The following DNASE1 variants were observed in gnomAD, a reference collection of about 807,000 sequenced individuals.
DNASE1 encodes deoxyribonuclease 1.
In DNASE1, 40 loss-of-function variants were observed where a neutral mutation model predicts 33.9. The observed-to-expected ratio is 1.18, with a 90% CI of 0.92 to 1.54. The LOEUF (loss-of-function observed/expected upper bound fraction) is 1.54. Ranked by LOEUF, DNASE1 falls within the 40% of genes most tolerant of loss-of-function variation. The pLI is 0.00. For missense variants in DNASE1, 518 were observed against 372.6 expected, an observed-to-expected ratio of 1.39 and a Z score of -3.21; for synonymous variants, 216 against 160.0, an observed-to-expected ratio of 1.35 and a Z score of -2.64.
At chr16:3,632,081 C>G (rs1348689704) in intron 1 of DNASE1, among the ~76,000 whole-genome samples, 1 of 152,102 alleles carries the variant, frequency 6.6e-6, no homozygotes, top group Non-Finnish European at 1.5e-5. Context: ...AAAACATAAA[C>G]TCATAATTGT....
chr16:3,657,125 AG>A lies in DNASE1; in HGVS notation c.549+18del. ...TGGGGCTTGGAGGTGAGGCCCTCCC[AG>A]GGGCAGTGGGCACCAGCGGCCTCCG... is the stretch of plus-strand genomic sequence containing the variant. On this transcript the variant is annotated intron_variant, in intron 6 of 8. Coordinates refer to ENST00000246949, the MANE Select transcript of DNASE1 (RefSeq NM_005223.4). 1.9e-6 allele frequency: 3 copies of A among 1,614,064 alleles called. No individual in the cohort carries two copies. The highest frequency in any genetic ancestry group is 2.5e-6 in the Non-Finnish European group (3 of 1,180,008).
At chr16:3,623,314 ATC>A (rs1206277011) in intron 1 of DNASE1, among the ~76,000 whole-genome samples, 1 of 152,144 alleles carries the variant, frequency 6.6e-6, no homozygotes, top group Non-Finnish European at 1.5e-5. Flanking sequence ...CCGTACCTCT[ATC>A]TCTCACCGCA....
At chr16:3,629,734 A>T (rs2041636562) in intron 1 of DNASE1, among the ~76,000 whole-genome samples, 1 of 152,132 alleles carries the variant, frequency 6.6e-6, no homozygotes, top group African/African-American at 2.4e-5. Flanking sequence ...GAGATTTTTG[A>T]TTACTGATTA....
At chr16:3,663,540 A>C in exon 10 of DNASE1, 1 of 1,614,066 alleles carries the variant, frequency 6.2e-7, no homozygotes, top group African/African-American at 1.3e-5. Context: ...GAGCTCATCA[A>C]ACTGCTCAAA....
At chr16:3,622,059 A>G (rs1162369556) in intron 1 of DNASE1, among the ~76,000 whole-genome samples, 1 of 152,124 alleles carries the variant, frequency 6.6e-6, no homozygotes, top group Non-Finnish European at 1.5e-5. Context: ...CGTCTTTACT[A>G]AAAATATAAC....
chr16:3,629,794 G>A (rs541228660), intron 1 of DNASE1, among the ~76,000 whole-genome samples: 1 of 151,708 alleles, frequency 6.6e-6, no homozygotes, highest in South Asian at 2.1e-4. Flanking sequence ...TTGTGATTTA[G>A]TCTTGGTAGG....
At chr16:3,663,494 C>G (rs748514506) in exon 10 of DNASE1, 1 of 1,613,928 alleles carries the variant, frequency 6.2e-7, no homozygotes, top group African/African-American at 1.3e-5. Context: ...CAGAGATCAG[C>G]TTCTTCTTGT....
chr16:3,619,267 C>G (rs140191130), intron 1 of DNASE1, among the ~76,000 whole-genome samples: 383 of 152,320 alleles, frequency 2.5e-3, no homozygotes, highest in African/African-American at 8.7e-3. Context: ...AACTCCTGCG[C>G]TCAAGTGATC....
chr16:3,625,597 TG>T (rs1170580690), intron 1 of DNASE1, among the ~76,000 whole-genome samples: 1 of 151,990 alleles, frequency 6.6e-6, no homozygotes, highest in East Asian at 1.9e-4. Context: ...CACTCCAGCC[TG>T]GGCAACAGAG....
chr16:3,659,954 T>C (rs1368255929), downstream of DNASE1: 2 of 152,192 alleles, frequency 1.3e-5, no homozygotes, highest in Non-Finnish European at 2.9e-5. Flanking sequence ...CTCGAACTCC[T>C]GACCTCAAGT....
intron 1 of DNASE1, among the ~76,000 whole-genome samples, chr16:3,648,537 G>T (rs192067631): frequency 2.0e-5 from 3 of 152,292 alleles, no homozygotes; most frequent in Admixed American, 1.3e-4. Context: ...CGAAGCTCGC[G>T]TGAACCCCAG....
chr16:3,628,503 T>G (rs923456334), intron 1 of DNASE1, among the ~76,000 whole-genome samples: 2 of 152,060 alleles, frequency 1.3e-5, no homozygotes, highest in Non-Finnish European at 2.9e-5. Context: ...TAGAAGAAAA[T>G]TTTTTAGTCA....
chr16:3,653,818 A>AAAAAAAAAAAAC (rs2042426467), upstream of DNASE1: 1 of 135,116 alleles, frequency 7.4e-6, no homozygotes, highest in Admixed American at 7.1e-5. Context: ...AAAAAAAAAA[A>AAAAAAAAAAAAC]AAAAAAAAAA....
downstream of DNASE1, chr16:3,660,817 G>C (rs1008478079): frequency 1.3e-5 from 2 of 152,272 alleles, no homozygotes; most frequent in African/African-American, 2.4e-5. Context: ...CCAGCACTTC[G>C]GGAGGCTAAG....
chr16:3,653,841 A>AAAAAAAAAAGG (rs781310896), upstream of DNASE1: 1 of 125,056 alleles, frequency 8.0e-6, no homozygotes, highest in Non-Finnish European at 1.7e-5. Context: ...AAAAAAAAAA[A>AAAAAAAAAAGG]CTGAGCATGG....
In DNASE1 at chr16:3,664,359, C is replaced by T. The variant is rs746111043; in HGVS notation, c.*6406C>T. Reference sequence around the variant, plus strand: ...GGGGGCGCACAGGTAGTAGATGTTGCGGGTGCCGGCCCGCATGCGGCTGGC... The same window carrying T: ...GGGGGCGCACAGGTAGTAGATGTTGTGGGTGCCGGCCCGCATGCGGCTGGC... On this transcript the variant is annotated 3_prime_UTR_variant, in exon 10 of 10. Transcript: ENST00000407479. The T allele has an allele frequency of 5.2e-5, 84 of 1,612,232 alleles. No individual in the cohort carries two copies. The highest frequency in any genetic ancestry group is 3.5e-4 in the Admixed American group (21 of 59,746).
chr16:3,657,585 G>T, intron 7 of DNASE1, 135 bp from the exon 8 acceptor site: 1 of 1,300,258 alleles, frequency 7.7e-7, no homozygotes, highest in South Asian at 1.3e-5. Context: ...GAGGGGCACA[G>T]ACCAGGGTGT....
chr16:3,615,279 T>C (rs2041061655), intron 1 of DNASE1, among the ~76,000 whole-genome samples: 1 of 152,158 alleles, frequency 6.6e-6, no homozygotes, highest in Non-Finnish European at 1.5e-5. Context: ...GGATTTCCAA[T>C]TATACATAAT....
chr16:3,629,078 A>G (rs1438744433), intron 1 of DNASE1, among the ~76,000 whole-genome samples: 1 of 149,864 alleles, frequency 6.7e-6, no homozygotes, highest in Admixed American at 6.7e-5. Context: ...AAGCTGAGGC[A>G]GAAGAATTGC....
Sources: gnomAD v4.1 joint callset for allele counts (sites outside exome capture counted in the v4.1 genomes callset) on GRCh38, gnomAD v4.1.1 for gene constraint, MANE v1.5 for transcripts, NCBI Gene and HGNC (gene_info 2026-07-23, HGNC 2026-07-21) for gene names.